RYR2: variants seen among roughly 807,000 people sequenced by gnomAD.
RYR2 encodes the protein cardiac muscle ryanodine receptor-calcium release channel.
Under a neutral mutation model 601.1 loss-of-function variants are expected in RYR2, and 227 were observed. That is an observed-to-expected ratio of 0.38 (90% CI 0.34 to 0.42). RYR2 has a LOEUF of 0.42. RYR2 is among the 10% of genes least tolerant of loss of function. The probability of loss-of-function intolerance (pLI) is 1.00; values close to 1 mark genes in which losing one functional copy is unlikely to be tolerated. For synonymous variants in RYR2, 2,223 were observed against 2,175.1 expected (o/e 1.02, Z -0.61); for missense variants, 4,646 against 6,156.5 (o/e 0.75, Z 8.21).
rs1363244595 is a variant in RYR2, at chr1:237,494,009, A to T, written c.1961+922A>T. Among the ~76,000 whole-genome samples, 3 of 152,130 alleles carry T rather than the reference A, an allele frequency of 2.0e-5. No individual in the cohort carries two copies. In the East Asian group the frequency reaches 5.8e-4, roughly 29 times the overall value. On this transcript the variant is annotated intron_variant, in intron 19 of 104. Coordinates refer to ENST00000366574, the MANE Select transcript of RYR2 (RefSeq NM_001035.3). ...ACGAAAAAACTGGAACTGGAAGTGG[A>T]ACTTAGATCTAAATCCAGAGACTGA...
intron 1 of RYR2, among the ~76,000 whole-genome samples, chr1:237,148,553 T>TATATATATATATAC (rs71178397): frequency 6.3e-3 from 659 of 104,658 alleles, no homozygotes; most frequent in East Asian, 9.3e-3. Flanking sequence ...TATATATATA[T>TATATATATATATAC]ACACACACAC....
In RYR2 at chr1:237,530,391, GA is replaced by G. The variant is rs775053999; in HGVS notation, c.2823-33del. ...CTTGGGTTATTCTGGACATAGAGAA[GA>G]AATGATCACACTTATCTCTGGTTTT... On this transcript the variant is annotated intron_variant, in intron 24 of 104. Coordinates refer to ENST00000366574, the MANE Select transcript of RYR2 (RefSeq NM_001035.3). 5 of 1,488,468 alleles carry G rather than the reference GA, an allele frequency of 3.4e-6. No individual in the cohort carries two copies. The African/African-American group carries it at 5.5e-5, about 16-fold the overall frequency. The allele number at this position is 1,488,468 out of a possible 1,614,324, so 92.2% of individuals were successfully genotyped here.
intron 51 of RYR2, 39 bp downstream of exon 51, chr1:237,651,540 C>A (rs1441348932): frequency 2.5e-6 from 3 of 1,221,504 alleles, no homozygotes; most frequent in Non-Finnish European, 3.5e-6. Context: ...TGATTACTGG[C>A]TTCTCTGACT....
At chr1:237,273,257 A>G (rs1270255185) in intron 2 of RYR2, among the ~76,000 whole-genome samples, 1 of 152,078 alleles carries the variant, frequency 6.6e-6, no homozygotes, top group African/African-American at 2.4e-5. Context: ...TGCAGTTCAC[A>G]ATAGGGTTTG....
At chr1:237,130,221 T>C (rs1282954041) in intron 1 of RYR2, among the ~76,000 whole-genome samples, 2 of 152,220 alleles carry the variant, frequency 1.3e-5, no homozygotes, top group African/African-American at 4.8e-5. Flanking sequence ...ACATAATTTT[T>C]ATTTGTGAAT....
chr1:237,824,762 A>G (rs1662905478), intron 101 of RYR2, among the ~76,000 whole-genome samples: 1 of 152,218 alleles, frequency 6.6e-6, no homozygotes, highest in East Asian at 1.9e-4. Flanking sequence ...ATGATTGTAT[A>G]TTTAGAAAAC....
intron 1 of RYR2, among the ~76,000 whole-genome samples, chr1:237,108,291 G>A (rs1668984123): frequency 6.6e-6 from 1 of 152,154 alleles, no homozygotes; most frequent in Non-Finnish European, 1.5e-5. Flanking sequence ...CCCAGTATAT[G>A]ATACTCCCCT....
intron 1 of RYR2, among the ~76,000 whole-genome samples, chr1:237,244,720 A>G (rs1686606274): frequency 6.6e-6 from 1 of 151,976 alleles, no homozygotes; most frequent in South Asian, 2.1e-4. Context: ...TCTTTTGCCT[A>G]TTAAACCTCC....
At chr1:237,438,338 A>G (rs181348114) in intron 12 of RYR2, among the ~76,000 whole-genome samples, 56 of 152,264 alleles carry the variant, frequency 3.7e-4, no homozygotes, top group African/African-American at 1.3e-3. Context: ...CAAAAAATAT[A>G]GCTCACATTT....
intron 80 of RYR2, among the ~76,000 whole-genome samples, chr1:237,754,469 A>G (rs909408333): frequency 2.0e-5 from 3 of 152,140 alleles, no homozygotes; most frequent in Non-Finnish European, 4.4e-5. Flanking sequence ...GCATGTTGCC[A>G]TCTTCCATCT....
intron 2 of RYR2, among the ~76,000 whole-genome samples, chr1:237,319,156 A>C (rs1695383186): frequency 6.6e-6 from 1 of 151,752 alleles, no homozygotes. Context: ...TATTTTTGTA[A>C]TTTTTGCATC....
intron 41 of RYR2, among the ~76,000 whole-genome samples, chr1:237,629,105 A>G (rs1004262097): frequency 2.0e-5 from 3 of 152,210 alleles, no homozygotes; most frequent in Non-Finnish European, 4.4e-5. Flanking sequence ...CGGAATTCAG[A>G]GAAAAAGAAT....
intron 1 of RYR2, among the ~76,000 whole-genome samples, chr1:237,103,445 A>C (rs1309722277): frequency 6.6e-6 from 1 of 152,214 alleles, no homozygotes; most frequent in African/African-American, 2.4e-5. Context: ...AACAGGGGAC[A>C]GGTTAGGGCT....
chr1:237,426,511 A>G (rs139215941), intron 12 of RYR2, among the ~76,000 whole-genome samples: 1,595 of 152,330 alleles, frequency 0.01, 13 homozygotes, highest in Non-Finnish European at 0.016. Flanking sequence ...ACCTCCGTCC[A>G]GAAAGAAAAA....
chr1:237,585,309 C>T (rs769191222), intron 29 of RYR2, among the ~76,000 whole-genome samples: 2 of 152,118 alleles, frequency 1.3e-5, no homozygotes, highest in East Asian at 3.9e-4. Flanking sequence ...TTGGTTTCCT[C>T]ATGTGGAAAA....
intron 1 of RYR2, among the ~76,000 whole-genome samples, chr1:237,256,251 G>A (rs773441928): frequency 1.9e-4 from 29 of 152,234 alleles, no homozygotes; most frequent in Admixed American, 5.2e-4. Flanking sequence ...TTCGCCTTCT[G>A]CCATGATTGG....
intron 62 of RYR2, among the ~76,000 whole-genome samples, chr1:237,682,933 A>G (rs991040186): frequency 6.6e-6 from 1 of 152,240 alleles, no homozygotes; most frequent in Non-Finnish European, 1.5e-5. Flanking sequence ...AGAGGAAAAT[A>G]TGAATAAGGA....
intron 65 of RYR2, among the ~76,000 whole-genome samples, chr1:237,701,715 C>T (rs979842363): frequency 6.6e-5 from 10 of 151,150 alleles, no homozygotes; most frequent in African/African-American, 2.4e-4. Context: ...GTCTATTATT[C>T]TCCTCTCTAT....
At chr1:237,646,351 T>G (rs533456536) in intron 48 of RYR2, among the ~76,000 whole-genome samples, 3 of 151,210 alleles carry the variant, frequency 2.0e-5, no homozygotes, top group African/African-American at 7.3e-5. Flanking sequence ...AAAAAAAAAT[T>G]TTTTTTTTTA....
Sources: gnomAD v4.1 joint callset for allele counts (sites outside exome capture counted in the v4.1 genomes callset) on GRCh38, gnomAD v4.1.1 for gene constraint, MANE v1.5 for transcripts, NCBI Gene and HGNC (gene_info 2026-07-23, HGNC 2026-07-21) for gene names.